ERI1: variants seen among roughly 807,000 people sequenced by gnomAD.
The protein encoded by ERI1 is 3'-5' exoribonuclease 1.
A neutral mutation model predicts 39.7 loss-of-function variants in ERI1; 39 were observed. The observed-to-expected ratio is 0.98, with a 90% CI of 0.76 to 1.28. The LOEUF (loss-of-function observed/expected upper bound fraction) is 1.28, where lower values mean the gene tolerates loss of function less well. Among genes scored for constraint, ERI1 ranks in the 50% most tolerant of loss-of-function variants. The probability of loss-of-function intolerance (pLI) is 0.00; values close to 1 mark genes in which losing one functional copy is unlikely to be tolerated. For missense variants in ERI1, 581 were observed against 416.9 expected, an observed-to-expected ratio of 1.39 and a Z score of -3.43; for synonymous variants, 204 against 149.6, an observed-to-expected ratio of 1.36 and a Z score of -2.65.
chr8:9,005,087 A>C (rs1326809349), intron 1 of ERI1, among the ~76,000 whole-genome samples: 1 of 152,210 alleles, frequency 6.6e-6, no homozygotes, highest in East Asian at 1.9e-4. Flanking sequence ...AAACTAGTAG[A>C]AGCTATTGCA....
In ERI1 at chr8:9,032,744, G is replaced by C. The variant is rs1470219205; in HGVS notation, c.*2710G>C. ...CAAAACAGAATAATTTGGAGACCAGGAGAAAAACTGGTATGATTACTGGGG... is the reference window on the plus strand; with the variant it reads ...CAAAACAGAATAATTTGGAGACCAGCAGAAAAACTGGTATGATTACTGGGG... On this transcript the variant is annotated 3_prime_UTR_variant, in exon 7 of 7. Transcript: ENST00000250263. 2 of 152,182 alleles carry C rather than the reference G, an allele frequency of 1.3e-5. No homozygotes were observed. Among genetic ancestry groups the C allele is most frequent in the Admixed American group, 1.3e-4 (2 of 15,288 alleles). The allele number at this position is 152,182 out of a possible 1,614,324, so 9.4% of individuals were successfully genotyped here.
chr8:9,033,755 G>C (rs938510046), downstream of ERI1, among the ~76,000 whole-genome samples: 2 of 152,158 alleles, frequency 1.3e-5, no homozygotes, highest in Admixed American at 6.5e-5. Flanking sequence ...AGTATGGCTT[G>C]AGCCTTGCTC....
intron 3 of ERI1, among the ~76,000 whole-genome samples, chr8:9,041,795 C>T (rs539329276): frequency 1.3e-5 from 2 of 152,282 alleles, no homozygotes; most frequent in African/African-American, 4.8e-5. Context: ...AGTGCAGTGG[C>T]GTGATCTCGG....
chr8:9,058,840 GATAAATAA>G (rs58770201), intron 3 of ERI1, among the ~76,000 whole-genome samples: 99 of 151,368 alleles, frequency 6.5e-4, no homozygotes, highest in African/African-American at 1.1e-3. Context: ...CAACTTCATT[GATAAATAA>G]ATAAATAAAT....
chr8:9,080,274 C>A (rs1799329516), intron 3 of ERI1, among the ~76,000 whole-genome samples: 1 of 152,138 alleles, frequency 6.6e-6, no homozygotes, highest in Non-Finnish European at 1.5e-5. Flanking sequence ...GATCAAAGTC[C>A]ATTTATTTTC....
intron 6 of ERI1, among the ~76,000 whole-genome samples, chr8:9,025,233 C>G (rs113955315): frequency 0.011 from 1,727 of 152,284 alleles, 35 homozygotes; most frequent in South Asian, 0.09. Context: ...GGCACTCAGA[C>G]TTGAGACTTT....
At chr8:9,028,753 A>G (rs1270892127) in intron 6 of ERI1, among the ~76,000 whole-genome samples, 1 of 152,048 alleles carries the variant, frequency 6.6e-6, no homozygotes, top group Non-Finnish European at 1.5e-5. Flanking sequence ...CCTCCCGAGT[A>G]GCTGGGATTA....
rs577610957 is a variant in ERI1 at position 9,031,244 on chromosome 8, T to C, written c.*1210T>C. On this transcript the variant is annotated 3_prime_UTR_variant, in exon 7 of 7. Coordinates refer to ENST00000250263, the MANE Select transcript of ERI1 (RefSeq NM_153332.4). ...ATAACCAGATGAATTTCCTCAAAGG[T>C]TTCCAAACCTATATCATATAGGGTG... 97 of 152,292 alleles carry C rather than the reference T, an allele frequency of 6.4e-4. No homozygotes were observed. The highest frequency in any genetic ancestry group is 3.4e-3 in the Middle Eastern group (1 of 294). 9.4% of individuals were successfully genotyped at this position (152,292 alleles called of 1,614,324 possible).
intron 3 of ERI1, among the ~76,000 whole-genome samples, chr8:9,051,649 C>A (rs547891544): frequency 1.4e-4 from 20 of 138,072 alleles, no homozygotes; most frequent in African/African-American, 5.0e-4. Flanking sequence ...AGCGCTGAGA[C>A]CCTGTCTCAA....
At chr8:9,019,530 A>G (rs182341669) in intron 5 of ERI1, among the ~76,000 whole-genome samples, 300 of 152,292 alleles carry the variant, frequency 2.0e-3, no homozygotes, top group African/African-American at 7.0e-3. Context: ...CTCAAAACCT[A>G]TGCAATTTTG....
chr8:9,037,328 C>A (rs1016192639), downstream of ERI1, among the ~76,000 whole-genome samples: 27 of 152,318 alleles, frequency 1.8e-4, no homozygotes, highest in African/African-American at 5.3e-4. Flanking sequence ...GTTAGCCCAT[C>A]AGTCTTATTC....
At chr8:9,021,497 C>G (rs1817887446) in intron 6 of ERI1, among the ~76,000 whole-genome samples, 1 of 152,130 alleles carries the variant, frequency 6.6e-6, no homozygotes, top group African/African-American at 2.4e-5. Context: ...TCCTTACAGA[C>G]TCTTCTGTTT....
chr8:9,007,690 T>C (rs771744029), intron 1 of ERI1, among the ~76,000 whole-genome samples: 1 of 152,190 alleles, frequency 6.6e-6, no homozygotes, highest in Non-Finnish European at 1.5e-5. Context: ...GGGTTCTCTA[T>C]TGAGGTGGTG....
At chr8:9,015,739 A>AAAAAAAAAG (rs10704637) in intron 3 of ERI1, among the ~76,000 whole-genome samples, 34 of 150,368 alleles carry the variant, frequency 2.3e-4, no homozygotes, top group African/African-American at 8.4e-4. Flanking sequence ...AAAAAAAAAA[A>AAAAAAAAAG]AAGAGACCAT....
intron 6 of ERI1, among the ~76,000 whole-genome samples, chr8:9,021,584 G>C (rs1161316938): frequency 6.6e-6 from 1 of 152,130 alleles, no homozygotes; most frequent in East Asian, 1.9e-4. Flanking sequence ...AAATACCCTT[G>C]TAACTTCCAC....
chr8:9,076,348 C>G (rs564564820), intron 3 of ERI1, among the ~76,000 whole-genome samples: 1 of 152,198 alleles, frequency 6.6e-6, no homozygotes, highest in Non-Finnish European at 1.5e-5. Context: ...ACAGGACTGG[C>G]ATCCATAAAA....
intron 3 of ERI1, among the ~76,000 whole-genome samples, chr8:9,066,648 C>G (rs1341148998): frequency 6.6e-6 from 1 of 152,140 alleles, no homozygotes; most frequent in East Asian, 1.9e-4. Context: ...GAGTGCCGGT[C>G]ATTGTTTTTA....
rs779006285 is a variant in ERI1 at position 9,029,990 on chromosome 8, A to G, written c.1006A>G (p.Ile336Val). 8.7e-6 allele frequency: 14 copies of G among 1,613,584 alleles called. No homozygotes were observed. The highest frequency in any genetic ancestry group is 3.3e-5 in the South Asian group (3 of 91,032). Residue 336 changes from isoleucine (I) to valine (V), a missense_variant, in exon 7 of 7, where the codon ATA becomes GTA. By Grantham distance (29) the Ile-to-Val change is conservative (BLOSUM62 3). Transcript: ENST00000250263. Reference protein sequence around the residue: ...QLMSVSSSLPIEGTPPPQMPH... With the variant: ...QLMSVSSSLPVEGTPPPQMPH... ...AATGAGTGTGTCCTCTTCCTTACCA[A>G]TAGAGGGCACTCCACCACCACAAAT...
intron 3 of ERI1, among the ~76,000 whole-genome samples, chr8:9,058,319 G>T (rs1008526012): frequency 6.6e-6 from 1 of 152,174 alleles, no homozygotes; most frequent in Non-Finnish European, 1.5e-5. Context: ...AGACCTCGTA[G>T]GTTGCTATGT....
Sources: allele counts gnomAD v4.1 joint callset (sites outside exome capture counted in the v4.1 genomes callset), GRCh38; gene constraint gnomAD v4.1.1; transcripts MANE v1.5; gene names NCBI Gene and HGNC (gene_info 2026-07-23, HGNC 2026-07-21).